Variants in RPS6KA3 observed in about 807,000 individuals in gnomAD.
The protein encoded by RPS6KA3 is ribosomal protein S6 kinase A3.
A neutral mutation model predicts 67.2 loss-of-function variants in RPS6KA3; 4 were observed. The ratio of observed to expected loss-of-function variants is 0.06; its 90% CI spans 0.03 to 0.14. The LOEUF (loss-of-function observed/expected upper bound fraction) is 0.14, where lower values mean the gene tolerates loss of function less well. RPS6KA3 is among the 10% of genes least tolerant of loss of function. The probability of loss-of-function intolerance (pLI) is 1.00; values close to 1 mark genes in which losing one functional copy is unlikely to be tolerated. For missense variants in RPS6KA3, 204 were observed against 559.0 expected, an observed-to-expected ratio of 0.36 and a Z score of 6.40; for synonymous variants, 182 against 183.7, an observed-to-expected ratio of 0.99 and a Z score of 0.07.
At chrX:20,249,658 G>C (rs2069807305) in intron 1 of RPS6KA3, among the ~76,000 whole-genome samples, 1 of 111,914 alleles carries the variant, frequency 8.9e-6, no homozygotes, top group African/African-American at 3.3e-5. Flanking sequence ...CTTTGTTATT[G>C]CTGAGTTTTG....
rs1348335501 is a variant in RPS6KA3 at position 20,151,886 on chromosome X, A to G, written c.*3512T>C. The G allele has an allele frequency of 9.0e-6, 1 of 111,691 alleles. No homozygotes were observed. Among genetic ancestry groups the G allele is most frequent in the Non-Finnish European group, 1.9e-5 (1 of 53,198 alleles). 9.2% of individuals were successfully genotyped at this position (111,691 alleles called of 1,213,427 possible). On this transcript the variant is annotated 3_prime_UTR_variant, in exon 22 of 22. Transcript: ENST00000379565. The stretch of plus-strand genomic sequence containing the variant: ...CCTGAGTCCCTTTTCTGCCGAATAC[A>G]TTCTGCCCTCTCTTGAAGCCTTTGC...
At chrX:20,234,974 G>T (rs1019124046) in intron 1 of RPS6KA3, among the ~76,000 whole-genome samples, 160 bp from the exon 2 acceptor site, 7 of 111,412 alleles carry the variant, frequency 6.3e-5, no homozygotes, top group Non-Finnish European at 1.1e-4. Flanking sequence ...TGCTAAATTT[G>T]CAACAGGATG....
intron 20 of RPS6KA3, among the ~76,000 whole-genome samples, chrX:20,158,033 TGA>T (rs1378878565): frequency 1.8e-5 from 2 of 110,164 alleles, no homozygotes; most frequent in African/African-American, 6.6e-5. Flanking sequence ...TCACATTCAC[TGA>T]GTGTGGAGGA....
intron 7 of RPS6KA3, 122 bp from the exon 8 acceptor site, chrX:20,188,656 G>T (rs1276615979): frequency 7.0e-6 from 3 of 427,593 alleles, no homozygotes; most frequent in Non-Finnish European, 1.3e-5. Context: ...TTTAGACTGT[G>T]AATAAGATGG....
Position 20,155,391 on chromosome X carries a change from G to A in RPS6KA3, c.*7C>T, listed in dbSNP as rs762586348. On this transcript the variant is annotated 3_prime_UTR_variant, in exon 22 of 22. Transcript: ENST00000379565. Reference sequence around the variant, plus strand: ...ACCATGGTACCAAATATCTCACTGAGGTCACTTCACAGGGCTGTTGAGGTG... The same window carrying A: ...ACCATGGTACCAAATATCTCACTGAAGTCACTTCACAGGGCTGTTGAGGTG... The A allele has an allele frequency of 1.7e-6, 2 of 1,210,521 alleles. No individual in the cohort carries two copies. The highest frequency in any genetic ancestry group is 4.4e-5 in the Admixed American group (2 of 45,924).
chrX:20,157,799 C>T (rs1015474268), intron 20 of RPS6KA3, among the ~76,000 whole-genome samples: 2 of 110,588 alleles, frequency 1.8e-5, no homozygotes, highest in Admixed American at 9.7e-5. Context: ...TTTGGAGGAA[C>T]GCTCTTAGGT....
intron 2 of RPS6KA3, 29 bp downstream of exon 2, chrX:20,234,729 T>C (rs2069363378): frequency 2.0e-6 from 2 of 978,767 alleles, no homozygotes; most frequent in Non-Finnish European, 1.5e-6. Flanking sequence ...CATTTATCTA[T>C]ACCCTTTGTG....
chrX:20,187,573 A>G (rs2068018231), intron 9 of RPS6KA3, among the ~76,000 whole-genome samples: 1 of 111,941 alleles, frequency 8.9e-6, no homozygotes, highest in African/African-American at 3.2e-5. Flanking sequence ...ACCAAACACC[A>G]TTAATGCTTT....
In RPS6KA3 at chrX:20,176,976, A is replaced by C; in HGVS notation, c.934+20T>G. ...ACACCAACAAACATACAACATAAACAAATTAGTTAAAATTTTTACCTAATC... is the reference window on the plus strand; with the variant it reads ...ACACCAACAAACATACAACATAAACCAATTAGTTAAAATTTTTACCTAATC... On this transcript the variant is annotated intron_variant, in intron 11 of 21. Coordinates refer to ENST00000379565, the MANE Select transcript of RPS6KA3 (RefSeq NM_004586.3). The C allele has an allele frequency of 9.1e-7, 1 of 1,092,979 alleles. No individual in the cohort carries two copies. The highest frequency in any genetic ancestry group is 1.3e-6 in the Non-Finnish European group (1 of 787,720). The allele number at this position is 1,092,979 out of a possible 1,213,427, so 90.1% of individuals were successfully genotyped here.
intron 16 of RPS6KA3, 56 bp from the exon 17 acceptor site, chrX:20,167,803 C>T (rs2067478098): frequency 1.1e-5 from 9 of 784,623 alleles, no homozygotes; most frequent in Admixed American, 2.4e-5. Context: ...GTGCCCAAAA[C>T]GAAGTTTAAA....
At position 20,194,287 on chromosome X, in the gene RPS6KA3, A is replaced by G. The variant is rs2068215326; in HGVS notation, c.407-19T>C. ...TGAAAAGCTGAATGAAGAAATGAAA[A>G]TTTTCATTTAGTCCACCATAATTTT... is the stretch of plus-strand genomic sequence containing the variant. On this transcript the variant is annotated intron_variant, in intron 5 of 21. Transcript: ENST00000379565. The G allele has an allele frequency of 9.5e-7, 1 of 1,054,583 alleles. No individual in the cohort carries two copies. The highest frequency in any genetic ancestry group is 3.0e-5 in the East Asian group (1 of 32,922). The allele number at this position is 1,054,583 out of a possible 1,213,427, so 86.9% of individuals were successfully genotyped here.
intron 10 of RPS6KA3, among the ~76,000 whole-genome samples, chrX:20,185,586 C>T (rs2067961889): frequency 9.0e-6 from 1 of 111,156 alleles, no homozygotes; most frequent in South Asian, 3.8e-4. Context: ...TGGGGTTTTG[C>T]TATGTTGTGC....
chrX:20,237,507 C>G (rs1196250932), intron 1 of RPS6KA3, among the ~76,000 whole-genome samples: 1 of 111,401 alleles, frequency 9.0e-6, no homozygotes, highest in Non-Finnish European at 1.9e-5. Context: ...ATTCGCAGAC[C>G]AAGGATAGAG....
intron 1 of RPS6KA3, among the ~76,000 whole-genome samples, chrX:20,245,463 T>C (rs2069661668): frequency 8.9e-6 from 1 of 112,123 alleles, no homozygotes; most frequent in Admixed American, 9.5e-5. Flanking sequence ...ACGAATGTTG[T>C]CAAATAAAAG....
In RPS6KA3 at chrX:20,161,502, C is replaced by A; in HGVS notation, c.1959+142G>T. 6 of 236,254 alleles carry A rather than the reference C, an allele frequency of 2.5e-5. No individual in the cohort carries two copies. In the South Asian group the frequency reaches 4.2e-4, roughly 16 times the overall value. The allele number at this position is 236,254 out of a possible 1,213,427, so 19.5% of individuals were successfully genotyped here. On this transcript the variant is annotated intron_variant, in intron 20 of 21. Coordinates refer to ENST00000379565, the MANE Select transcript of RPS6KA3 (RefSeq NM_004586.3). The stretch of plus-strand genomic sequence containing the variant: ...TGGGGAAGAAACAAAATAATGGGTC[C>A]ATTTTCGAGTTCAAATTATTTGTTA...
intron 2 of RPS6KA3, among the ~76,000 whole-genome samples, chrX:20,216,699 G>C (rs944658650): frequency 9.0e-5 from 10 of 110,850 alleles, no homozygotes; most frequent in Non-Finnish European, 1.7e-4. Flanking sequence ...AAGCATTCCT[G>C]GGAGAGGGAC....
intron 7 of RPS6KA3, among the ~76,000 whole-genome samples, chrX:20,191,638 T>C (rs1270057595): frequency 1.0e-5 from 1 of 98,500 alleles, no homozygotes; most frequent in East Asian, 2.8e-4. Flanking sequence ...TGAGCTTTTC[T>C]TTCATATGTT....
At chrX:20,177,721 A>T (rs2067734324) in intron 10 of RPS6KA3, among the ~76,000 whole-genome samples, 1 of 112,155 alleles carries the variant, frequency 8.9e-6, no homozygotes, top group African/African-American at 3.2e-5. Context: ...AATAGCTCCC[A>T]AAGTATAGCC....
intron 4 of RPS6KA3, among the ~76,000 whole-genome samples, chrX:20,196,095 A>G (rs1439799834): frequency 8.9e-6 from 1 of 112,439 alleles, no homozygotes; most frequent in Non-Finnish European, 1.9e-5. Context: ...GCAAGCTTTA[A>G]GACTTTTGGA....
Sources: gnomAD v4.1 joint callset for allele counts (sites outside exome capture counted in the v4.1 genomes callset) on GRCh38, gnomAD v4.1.1 for gene constraint, MANE v1.5 for transcripts, NCBI Gene and HGNC (gene_info 2026-07-23, HGNC 2026-07-21) for gene names.